Variants in CHD9 observed in about 807,000 individuals in gnomAD.
The protein encoded by CHD9 is ATP-dependent chromatin remodeler CHD9.
Under a neutral mutation model 316.1 loss-of-function variants are expected in CHD9, and 77 were observed. The ratio of observed to expected loss-of-function variants is 0.24; its 90% CI spans 0.20 to 0.29. The LOEUF is 0.29. Among genes scored for constraint, CHD9 ranks in the 10% least tolerant of loss-of-function variants. The pLI, the probability that CHD9 is intolerant of heterozygous loss-of-function variation, is 1.00. For synonymous variants in CHD9, 1,129 were observed against 1,158.3 expected (o/e 0.97, Z 0.51); for missense variants, 2,763 against 3,438.1 (o/e 0.80, Z 4.91).
At chr16:53,253,796 A>G (rs1351260690) in intron 17 of CHD9, among the ~76,000 whole-genome samples, 1 of 152,126 alleles carries the variant, frequency 6.6e-6, no homozygotes, top group Non-Finnish European at 1.5e-5. Flanking sequence ...TAAAAAAAAC[A>G]ACAAAAAACT....
chr16:53,247,975 A>T (rs1176328809), intron 16 of CHD9: 1 of 153,096 alleles, frequency 6.5e-6, no homozygotes, highest in Non-Finnish European at 1.5e-5. Context: ...ATTTGTTTCA[A>T]TGTGGGTTTT....
chr16:53,133,212 G>A, intron 1 of CHD9, among the ~76,000 whole-genome samples: 1 of 152,038 alleles, frequency 6.6e-6, no homozygotes, highest in East Asian at 1.9e-4. Flanking sequence ...GTTAAAAACA[G>A]CAACAACAAA....
chr16:53,107,441 C>G (rs528059393), intron 1 of CHD9, among the ~76,000 whole-genome samples: 2 of 146,622 alleles, frequency 1.4e-5, no homozygotes, highest in Non-Finnish European at 3.0e-5. Context: ...GCCTGGGCAA[C>G]AGAGTGACAC....
chr16:53,069,702 T>C (rs1391964263), intron 1 of CHD9, among the ~76,000 whole-genome samples: 2 of 152,198 alleles, frequency 1.3e-5, no homozygotes. Flanking sequence ...TGAACATGGG[T>C]GTATAGATAT....
chr16:53,126,748 G>T (rs965397732), intron 1 of CHD9, among the ~76,000 whole-genome samples: 4 of 150,882 alleles, frequency 2.7e-5, no homozygotes, highest in African/African-American at 9.8e-5. Flanking sequence ...GCACGATCTC[G>T]GCTCACTGCA....
chr16:53,157,426 C>T lies in CHD9; in HGVS notation c.1337C>T (p.Thr446Ile). The T allele has an allele frequency of 6.2e-7, 1 of 1,613,990 alleles. No individual in the cohort carries two copies. Among genetic ancestry groups the T allele is most frequent in the Non-Finnish European group, 8.5e-7 (1 of 1,179,884 alleles). ...LDRQFTSHLV[T>I]RPSDMAQTQL... ...CGGCAGTTTACTTCGCATCTGGTAA[C>T]ACGGCCTTCTGATATGGCTCAGACT... Residue 446 changes from threonine (T) to isoleucine (I), a missense_variant, in exon 2 of 39, where the codon ACA becomes ATA. By Grantham distance (89) the Thr-to-Ile change is moderately conservative. Transcript: ENST00000447540.
chr16:53,254,595 A>G lies in CHD9; in HGVS notation c.4019A>G (p.Asn1340Ser). The change falls in exon 18 of 39, where the codon AAT becomes AGT. Residue 1340 changes from asparagine to serine, a missense_variant. Physicochemically the swap from Asn to Ser is conservative, Grantham distance 46 (BLOSUM62 1). This residue lies in a region of CHD9 where 199 missense variants were observed against 251.7 expected (regional missense o/e 0.79). Coordinates refer to ENST00000447540, the MANE Select transcript of CHD9 (RefSeq NM_001308319.2). ...VLQSMSGRESNVGGIQQLSKK... is the reference protein window; with the variant it reads ...VLQSMSGRESSVGGIQQLSKK... Reference sequence around the variant, plus strand: ...CAGAGCATGAGTGGAAGAGAAAGTAATGTTGGTGGTGTATGTATAGTTTCT... The same window carrying G: ...CAGAGCATGAGTGGAAGAGAAAGTAGTGTTGGTGGTGTATGTATAGTTTCT... 3.1e-6 allele frequency: 5 copies of G among 1,601,748 alleles called. No homozygotes were observed. Among genetic ancestry groups the G allele is most frequent in the Non-Finnish European group, 4.3e-6 (5 of 1,173,256 alleles).
chr16:53,074,356 A>G (rs1370261034), intron 1 of CHD9, among the ~76,000 whole-genome samples: 4 of 152,220 alleles, frequency 2.6e-5, no homozygotes, highest in Non-Finnish European at 4.4e-5. Flanking sequence ...TGCAATAGAA[A>G]AGCAAATCCC....
At chr16:53,116,418 T>C (rs1271800791) in intron 1 of CHD9, among the ~76,000 whole-genome samples, 4 of 152,216 alleles carry the variant, frequency 2.6e-5, no homozygotes, top group African/African-American at 7.2e-5. Context: ...TAGTACACAC[T>C]CTGCAAGAGA....
intron 32 of CHD9, among the ~76,000 whole-genome samples, chr16:53,306,794 C>CT (rs138032076): frequency 0.28 from 42,540 of 150,740 alleles, 6,038 homozygotes; most frequent in Middle Eastern, 0.32. Flanking sequence ...GATTTTCTTC[C>CT]TTTTTTTTTG....
intron 1 of CHD9, among the ~76,000 whole-genome samples, chr16:53,120,530 T>C (rs868293708): frequency 2.1e-4 from 32 of 152,188 alleles, no homozygotes; most frequent in African/African-American, 6.5e-4. Context: ...GGAGAATCGC[T>C]TGAAACCGGG....
At chr16:53,132,411 C>T (rs771675894) in intron 1 of CHD9, among the ~76,000 whole-genome samples, 18 of 152,176 alleles carry the variant, frequency 1.2e-4, no homozygotes, top group Middle Eastern at 3.4e-3. Flanking sequence ...TCTACTTAAC[C>T]AGCTATGATC....
At chr16:53,180,904 T>C (rs1444540077) in intron 2 of CHD9, among the ~76,000 whole-genome samples, 4 of 151,882 alleles carry the variant, frequency 2.6e-5, no homozygotes, top group African/African-American at 9.7e-5. Flanking sequence ...CTCAATCTCC[T>C]GACCTCGTGA....
At chr16:53,322,662 T>G (rs928393295) in intron 38 of CHD9, among the ~76,000 whole-genome samples, 1 of 151,890 alleles carries the variant, frequency 6.6e-6, no homozygotes, top group Admixed American at 6.6e-5. Flanking sequence ...TTAAAATCAG[T>G]AGTATTTAAG....
At chr16:53,136,723 A>G (rs924292006) in intron 1 of CHD9, among the ~76,000 whole-genome samples, 1 of 152,144 alleles carries the variant, frequency 6.6e-6, no homozygotes, top group African/African-American at 2.4e-5. Flanking sequence ...ACATATTCCA[A>G]TATATGAACA....
intron 1 of CHD9, among the ~76,000 whole-genome samples, chr16:53,070,258 GTTTAA>G (rs1287717566): frequency 6.6e-6 from 1 of 151,854 alleles, no homozygotes; most frequent in African/African-American, 2.4e-5. Flanking sequence ...TAATTTTAAT[GTTTAA>G]TTTATGTATT....
chr16:53,107,993 G>A (rs559642065), intron 1 of CHD9, among the ~76,000 whole-genome samples: 4 of 152,266 alleles, frequency 2.6e-5, no homozygotes, highest in South Asian at 4.1e-4. Context: ...AATAAAAGAA[G>A]GCATCATTGA....
chr16:53,245,921 C>A lies in CHD9; in HGVS notation c.3454+71C>A. ...TACTAATGAATAAATAAACAGAACA[C>A]ACTACAGCTGTAGTGGCTGTTATGA... On this transcript the variant is annotated intron_variant, in intron 15 of 38. Coordinates refer to ENST00000447540, the MANE Select transcript of CHD9 (RefSeq NM_001308319.2). This position sits in a 1 kb window ranked among gnomAD's most constrained non-coding sequence, Gnocchi z 4.1. 1 of 1,126,734 alleles carries A rather than the reference C, an allele frequency of 8.9e-7. No homozygotes were observed. The highest frequency in any genetic ancestry group is 1.2e-6 in the Non-Finnish European group (1 of 831,458). The allele number at this position is 1,126,734 out of a possible 1,614,324, so 69.8% of individuals were successfully genotyped here. A position where few individuals can be genotyped will look rare whatever the true frequency, so the allele number is the denominator to read the frequency against.
At chr16:53,149,294 T>A (rs1181492148) in intron 1 of CHD9, among the ~76,000 whole-genome samples, 1 of 152,172 alleles carries the variant, frequency 6.6e-6, no homozygotes, top group East Asian at 1.9e-4. Flanking sequence ...GTTGTTCAAG[T>A]CCTCTTTTTT....
Sources: allele counts gnomAD v4.1 joint callset (sites outside exome capture counted in the v4.1 genomes callset), GRCh38; gene constraint gnomAD v4.1.1; regional missense constraint gnomAD v4.1.1; non-coding constraint Gnocchi (gnomAD v3.1); transcripts MANE v1.5; gene names NCBI Gene and HGNC (gene_info 2026-07-23, HGNC 2026-07-21).